Variants in ITGAD observed in about 807,000 individuals in gnomAD.
ITGAD encodes the protein integrin subunit alpha D.
In ITGAD, 105 loss-of-function variants were observed where a neutral mutation model predicts 139.0. The observed-to-expected ratio is 0.76, with a 90% CI of 0.65 to 0.89. The LOEUF is 0.89. ITGAD is among the 40% of genes least tolerant of loss of function. The probability of loss-of-function intolerance (pLI) is 0.00; values close to 1 mark genes in which losing one functional copy is unlikely to be tolerated. For missense variants in ITGAD, 1,384 were observed against 1,487.3 expected, an observed-to-expected ratio of 0.93 and a Z score of 1.14; for synonymous variants, 569 against 598.3, an observed-to-expected ratio of 0.95 and a Z score of 0.71.
At chr16:31,397,554 A>AG (rs2081297488) in intron 3 of ITGAD, 42 bp from the exon 4 acceptor site, 1 of 1,602,432 alleles carries the variant, frequency 6.2e-7, no homozygotes, top group Admixed American at 1.7e-5. Flanking sequence ...CCCGCAAATG[A>AG]GTGTGTGCTG....
At chr16:31,414,147 T>C (rs756296301) in intron 16 of ITGAD, among the ~76,000 whole-genome samples, 21 of 152,204 alleles carry the variant, frequency 1.4e-4, no homozygotes, top group Non-Finnish European at 2.4e-4. Context: ...ATCTATCACC[T>C]ATCTAATCTA....
At chr16:31,401,531 CCCTACAGGCATAT>C (rs1335429603) in intron 5 of ITGAD, among the ~76,000 whole-genome samples, 11 of 152,142 alleles carry the variant, frequency 7.2e-5, no homozygotes, top group African/African-American at 1.2e-4. Flanking sequence ...CCCACAGCAT[CCCTACAGGCATAT>C]CCTACAGGCC....
At chr16:31,402,484 G>T in intron 6 of ITGAD, 1 of 336,922 alleles carries the variant, frequency 3.0e-6, no homozygotes. Context: ...TAAAAACATT[G>T]AAAGTGTTTA....
intron 5 of ITGAD, among the ~76,000 whole-genome samples, chr16:31,398,406 G>A (rs2081325074): frequency 7.1e-6 from 1 of 140,900 alleles, no homozygotes. Flanking sequence ...CAGCCTGGGT[G>A]ACAAGAGCAA....
At position 31,423,465 on chromosome 16, in the gene ITGAD, C is replaced by G. The variant is rs77430224; in HGVS notation, c.2967+6C>G. ...TCATGGAGGCCCCATCTCAGGTACC[C>G]GCCTATCTCTCCTCTTTCTTCAGAC... On this transcript the variant is annotated splice_donor_region_variant and intron_variant, in intron 25 of 29. Coordinates refer to ENST00000389202, the MANE Select transcript of ITGAD (RefSeq NM_005353.3). The G allele has an allele frequency of 7.2e-3, 11,527 of 1,611,764 alleles. 707 individuals carry two copies. The African/African-American group carries it at 0.14, about 19-fold the overall frequency.
rs749004494 is a variant in ITGAD at position 31,397,889 on chromosome 16, C to T, written c.407C>T (p.Thr136Ile). ...GGCTCGCGCTGGGAGATCATCCAGA[C>T]AGTCCCCGACGCCACGCCAGGTAGG... Reference protein sequence around the residue: ...LLGSRWEIIQTVPDATPECPH... With the variant: ...LLGSRWEIIQIVPDATPECPH... Residue 136 changes from threonine (T) to isoleucine (I), a missense_variant, in exon 5 of 30, where the codon ACA (threonine) becomes ATA (isoleucine). Transcript: ENST00000389202. 2 of 1,612,794 alleles carry T rather than the reference C, an allele frequency of 1.2e-6. No homozygotes were observed. Among genetic ancestry groups the T allele is most frequent in the Admixed American group, 1.7e-5 (1 of 59,940 alleles).
rs550797292 is a variant in ITGAD at position 31,395,217 on chromosome 16, G to A, written c.137+876G>A. On this transcript the variant is annotated intron_variant, in intron 2 of 29. Coordinates refer to ENST00000389202, the MANE Select transcript of ITGAD (RefSeq NM_005353.3). ...CATCTGTAATCCCAGCTACTTGGGAGGCTGAGGCAGGAGAATCGCTTGAAC... is the reference window on the plus strand; with the variant it reads ...CATCTGTAATCCCAGCTACTTGGGAAGCTGAGGCAGGAGAATCGCTTGAAC... 2.0e-5 allele frequency among the ~76,000 whole-genome samples: 3 copies of A among 152,282 alleles called. No homozygotes were observed. In the East Asian group the frequency reaches 5.8e-4, roughly 29 times the overall value.
At position 31,423,012 on chromosome 16, in the gene ITGAD, C is replaced by T. The variant is rs1468604145; in HGVS notation, c.2781-102C>T. 10 of 907,102 alleles carry T rather than the reference C, an allele frequency of 1.1e-5. No homozygotes were observed. The East Asian group carries it at 2.4e-4, about 22-fold the overall frequency. The allele number at this position is 907,102 out of a possible 1,614,324, so 56.2% of individuals were successfully genotyped here. On this transcript the variant is annotated intron_variant, in intron 23 of 29. Transcript: ENST00000389202. ...GGCCAAATAATGTCCATCGTTATTT[C>T]CCTGAGACATCTGCCCAGCCCAACA...
intron 22 of ITGAD, 40 bp downstream of exon 22, chr16:31,418,420 G>A: frequency 6.2e-7 from 1 of 1,608,028 alleles, no homozygotes; most frequent in Non-Finnish European, 8.5e-7. Context: ...TCCATCGCAT[G>A]CCCCGGCTAG....
rs966460664 is a variant in ITGAD, at chr16:31,423,787, T to C, written c.3046-58T>C. ...CCACCCCAAACCTGACCATATTTTT[T>C]CCTATGGCTCCCTCCTCAGGGAAGA... On this transcript the variant is annotated intron_variant, in intron 26 of 29. Coordinates refer to ENST00000389202, the MANE Select transcript of ITGAD (RefSeq NM_005353.3). 6.9e-6 allele frequency: 11 copies of C among 1,589,070 alleles called. No homozygotes were observed. In the Middle Eastern group the frequency reaches 1.5e-3, roughly 219 times the overall value.
chr16:31,425,701 TA>T (rs1250714484), intron 29 of ITGAD, among the ~76,000 whole-genome samples: 4 of 151,490 alleles, frequency 2.6e-5, no homozygotes, highest in African/African-American at 9.7e-5. Flanking sequence ...TTTTTTTTTT[TA>T]CATGGAGTCT....
In ITGAD at chr16:31,407,841, G is replaced by A. The variant is rs1178779144; in HGVS notation, c.934G>A (p.Val312Met). ...CAGCTCAGCGCCTCCGCAGGACCACGTGTTCAAGGTGGACAACTTTGCAGC... is the reference window on the plus strand; with the variant it reads ...CAGCTCAGCGCCTCCGCAGGACCACATGTTCAAGGTGGACAACTTTGCAGC... ...TISSAPPQDH[V>M]FKVDNFAALG... is the part of the protein sequence containing the mutation. The change falls in exon 9 of 30, where the codon GTG becomes ATG. Residue 312 changes from valine to methionine, a missense_variant. Physicochemically the swap from Val to Met is conservative, Grantham distance 21. Transcript: ENST00000389202. The A allele has an allele frequency of 6.8e-6, 11 of 1,609,950 alleles. No homozygotes were observed. The highest frequency in any genetic ancestry group is 9.3e-6 in the Non-Finnish European group (11 of 1,176,572).
At chr16:31,423,028 C>A in intron 23 of ITGAD, 86 bp from the exon 24 acceptor site, 1 of 1,041,746 alleles carries the variant, frequency 9.6e-7, no homozygotes, top group South Asian at 1.3e-5. Flanking sequence ...GACATCTGCC[C>A]AGCCCAACAG....
At chr16:31,423,000 C>T in intron 23 of ITGAD, 114 bp from the exon 24 acceptor site, 1 of 833,202 alleles carries the variant, frequency 1.2e-6, no homozygotes, top group Non-Finnish European at 2.1e-6. Context: ...CAAATAATGT[C>T]CATCGTTATT....
chr16:31,421,468 A>T (rs1017945790), intron 23 of ITGAD, among the ~76,000 whole-genome samples: 2 of 151,906 alleles, frequency 1.3e-5, no homozygotes, highest in African/African-American at 2.4e-5. Flanking sequence ...TACCAAAAAA[A>T]AAAAATTAAA....
At chr16:31,402,994 G>C (rs1480136429) in intron 6 of ITGAD, 1 of 152,384 alleles carries the variant, frequency 6.6e-6, no homozygotes, top group Non-Finnish European at 1.5e-5. Flanking sequence ...TATTGTGGTT[G>C]GCAAAGTTAT....
chr16:31,414,412 T>C, intron 16 of ITGAD, 39 bp from the exon 17 acceptor site: 1 of 1,602,456 alleles, frequency 6.2e-7, no homozygotes, highest in Non-Finnish European at 8.5e-7. Flanking sequence ...TTCTAGGTTA[T>C]TTCTGCCTTT....
chr16:31,399,198 T>G (rs180724208), intron 5 of ITGAD, among the ~76,000 whole-genome samples: 7 of 152,274 alleles, frequency 4.6e-5, no homozygotes, highest in Non-Finnish European at 8.8e-5. Context: ...CTTCATTCCC[T>G]CAAAGCCATT....
chr16:31,414,371 T>C, intron 16 of ITGAD, 80 bp from the exon 17 acceptor site: 3 of 1,478,270 alleles, frequency 2.0e-6, no homozygotes, highest in South Asian at 1.2e-5. Context: ...AGCAAACATG[T>C]ATTGCATGAA....
Sources: gnomAD v4.1 joint callset for allele counts (sites outside exome capture counted in the v4.1 genomes callset) on GRCh38, gnomAD v4.1.1 for gene constraint, MANE v1.5 for transcripts, NCBI Gene and HGNC (gene_info 2026-07-23, HGNC 2026-07-21) for gene names.